The following DAW1 variants were observed in gnomAD, a reference collection of about 807,000 sequenced individuals.
DAW1 encodes the protein dynein assembly factor with WD repeat domains 1.
A neutral mutation model predicts 56.5 loss-of-function variants in DAW1; 47 were observed. The observed-to-expected ratio is 0.83, with a 90% CI of 0.66 to 1.06. DAW1 has a LOEUF of 1.06. Among genes scored for constraint, DAW1 ranks in the 50% least tolerant of loss-of-function variants. DAW1 has a pLI of 0.00. For missense variants in DAW1, 505 were observed against 499.3 expected, an observed-to-expected ratio of 1.01 and a Z score of -0.11; for synonymous variants, 190 against 179.0, an observed-to-expected ratio of 1.06 and a Z score of -0.49.
At chr2:227,894,330 C>T (rs1215466969) in intron 5 of DAW1, among the ~76,000 whole-genome samples, 3 of 152,028 alleles carry the variant, frequency 2.0e-5, no homozygotes, top group Non-Finnish European at 4.4e-5. Context: ...GCAGGGGAAT[C>T]GCTTGAACCC....
chr2:227,900,877 C>T (rs1691525939), intron 6 of DAW1, among the ~76,000 whole-genome samples: 1 of 152,160 alleles, frequency 6.6e-6, no homozygotes, highest in Admixed American at 6.6e-5. Context: ...CACCTATAGC[C>T]CATTCAAATT....
chr2:227,914,111 C>T (rs940691267), intron 10 of DAW1, among the ~76,000 whole-genome samples: 1 of 152,032 alleles, frequency 6.6e-6, no homozygotes, highest in Non-Finnish European at 1.5e-5. Flanking sequence ...CACATCACAT[C>T]TGTGTCTACC....
intron 7 of DAW1, 146 bp from the exon 8 acceptor site, chr2:227,904,783 A>G: frequency 1.7e-6 from 1 of 598,582 alleles, no homozygotes; most frequent in Non-Finnish European, 2.8e-6. Context: ...ACGTGCAGAC[A>G]CTCCCCATCC....
rs775060353 is a variant in DAW1 at position 227,906,222 on chromosome 2, T to G, written c.756-14T>G. 3.8e-6 allele frequency: 6 copies of G among 1,593,638 alleles called. No individual in the cohort carries two copies. The East Asian group carries it at 1.1e-4, about 30-fold the overall frequency. On this transcript the variant is annotated splice_polypyrimidine_tract_variant and intron_variant, in intron 8 of 12. Transcript: ENST00000309931. ...AGATATCTTTCACTAGTTTTAATTA[T>G]TTTTGTGTTGTAGGAAGGTAAATAT... is the stretch of plus-strand genomic sequence containing the variant.
intron 10 of DAW1, among the ~76,000 whole-genome samples, chr2:227,910,438 A>C (rs112704984): frequency 1.8e-4 from 28 of 151,756 alleles, no homozygotes; most frequent in African/African-American, 6.5e-4. Flanking sequence ...TGCCACTATA[A>C]TCCAGTCTGA....
At chr2:227,874,823 T>G (rs186691447) in intron 1 of DAW1, among the ~76,000 whole-genome samples, 10 of 151,876 alleles carry the variant, frequency 6.6e-5, no homozygotes, top group Admixed American at 2.6e-4. Flanking sequence ...ATTAGCCAGG[T>G]GTGGTGGTGC....
At chr2:227,906,855 G>C (rs1371829803) in intron 9 of DAW1, among the ~76,000 whole-genome samples, 3 of 152,156 alleles carry the variant, frequency 2.0e-5, no homozygotes, top group African/African-American at 4.8e-5. Flanking sequence ...AACCAGTAAA[G>C]CATACACGTT....
chr2:227,909,206 TCACCACCTTTAGAAAG>T (rs1193191985), intron 10 of DAW1, among the ~76,000 whole-genome samples: 1 of 150,124 alleles, frequency 6.7e-6, no homozygotes, highest in Non-Finnish European at 1.5e-5. Flanking sequence ...CTATATCACA[TCACCACCTTTAGAAAG>T]GTGGTGATAT....
chr2:227,911,176 T>TTA (rs778354948), intron 10 of DAW1, among the ~76,000 whole-genome samples: 18 of 131,812 alleles, frequency 1.4e-4, no homozygotes, highest in African/African-American at 2.4e-4. Context: ...TCATGTATAG[T>TTA]TATATATATA....
chr2:227,884,485 T>A (rs1260542033), intron 1 of DAW1, among the ~76,000 whole-genome samples: 1 of 152,238 alleles, frequency 6.6e-6, no homozygotes, highest in Admixed American at 6.5e-5. Flanking sequence ...GCTCTTGGGC[T>A]ACTTTTGCGG....
At chr2:227,901,863 A>T (rs1286737801) in intron 6 of DAW1, among the ~76,000 whole-genome samples, 1 of 152,198 alleles carries the variant, frequency 6.6e-6, no homozygotes, top group Non-Finnish European at 1.5e-5. Context: ...ACTGAAAAGG[A>T]TCTAGTCTAC....
At chr2:227,881,503 T>G (rs919224227) in intron 1 of DAW1, among the ~76,000 whole-genome samples, 3 of 152,144 alleles carry the variant, frequency 2.0e-5, no homozygotes, top group African/African-American at 7.2e-5. Context: ...TAAATGCAAT[T>G]TAAGTAATAC....
At chr2:227,910,707 A>G (rs1318993884) in intron 10 of DAW1, among the ~76,000 whole-genome samples, 1 of 152,066 alleles carries the variant, frequency 6.6e-6, no homozygotes, top group African/African-American at 2.4e-5. Flanking sequence ...GCTACAATTA[A>G]TCTCCAGGAC....
rs905334912 is a variant in DAW1 at position 227,893,517 on chromosome 2, A to C, written c.318-278A>C. 7.3e-5 allele frequency among the ~76,000 whole-genome samples: 11 copies of C among 151,526 alleles called. No individual in the cohort carries two copies. In the East Asian group the frequency reaches 1.8e-3, roughly 24 times the overall value. On this transcript the variant is annotated intron_variant, in intron 4 of 12. Transcript: ENST00000309931. ...CCCATCTCTGCTAAAAACACACACA[A>C]AAAATATAGCCAGGCGTGGTGGTGG...
intron 2 of DAW1, among the ~76,000 whole-genome samples, chr2:227,888,948 T>A (rs1691194441): frequency 6.6e-6 from 1 of 152,198 alleles, no homozygotes; most frequent in African/African-American, 2.4e-5. Flanking sequence ...AGTCTTATGA[T>A]GCTTTAAATT....
At position 227,903,040 on chromosome 2, in the gene DAW1, G is replaced by A. The variant is rs1172416364; in HGVS notation, c.579G>A (p.Ala193=). ...TTAACCCTCAAAGCACATTGGTGGC[G>A]ACTGGAAGTATGGACACAACAGCCA... ...LSFNPQSTLV[A]TGSMDTTAKL... is the part of the protein sequence containing the mutation. Residue 193 remains alanine (A), a synonymous_variant, in exon 7 of 13, where the codon GCG becomes GCA. Coordinates refer to ENST00000309931, the MANE Select transcript of DAW1 (RefSeq NM_178821.3). 17 of 1,614,024 alleles carry A rather than the reference G, an allele frequency of 1.1e-5. No homozygotes were observed. The highest frequency in any genetic ancestry group is 3.3e-5 in the Admixed American group (2 of 60,004).
In DAW1 at chr2:227,923,965, T is replaced by A; in HGVS notation, c.1245T>A (p.Arg415=). 2 of 1,614,070 alleles carry A rather than the reference T, an allele frequency of 1.2e-6. No individual in the cohort carries two copies. The highest frequency in any genetic ancestry group is 1.7e-6 in the Non-Finnish European group (2 of 1,179,952). The change falls in exon 13 of 13, where the codon CGT becomes CGA. Residue 415 remains arginine (R), a synonymous_variant. Transcript: ENST00000309931. ...GSKDNTCRIW[R] The stretch of plus-strand genomic sequence containing the variant: ...AGGATAATACCTGTAGGATATGGCG[T>A]TGACTGAAGGAAGCTGGTCAGTGAG...
intron 12 of DAW1, 46 bp from the exon 13 acceptor site, chr2:227,923,888 G>A: frequency 6.2e-7 from 1 of 1,605,744 alleles, no homozygotes; most frequent in Non-Finnish European, 8.5e-7. Flanking sequence ...AGAATGAGGT[G>A]AATGAAATGA....
At chr2:227,907,506 A>T (rs1691714584) in intron 10 of DAW1, among the ~76,000 whole-genome samples, 1 of 152,054 alleles carries the variant, frequency 6.6e-6, no homozygotes, top group Admixed American at 6.6e-5. Flanking sequence ...TCTTCTTAAT[A>T]TCTGTATATG....
Sources: gnomAD v4.1 joint callset for allele counts (sites outside exome capture counted in the v4.1 genomes callset) on GRCh38, gnomAD v4.1.1 for gene constraint, MANE v1.5 for transcripts, NCBI Gene and HGNC (gene_info 2026-07-23, HGNC 2026-07-21) for gene names.